The following CRACR2A variants were observed in gnomAD, a reference collection of about 807,000 sequenced individuals.
CRACR2A encodes the protein EF-hand calcium-binding domain-containing protein 4B.
CRACR2A carries 79 observed loss-of-function variants against 90.5 expected under a neutral mutation model. The ratio of observed to expected loss-of-function variants is 0.87; its 90% CI spans 0.73 to 1.05. CRACR2A has a LOEUF of 1.05. Among genes scored for constraint, CRACR2A ranks in the 50% least tolerant of loss-of-function variants. CRACR2A has a pLI of 0.00. For missense variants in CRACR2A, 823 were observed against 897.2 expected, an observed-to-expected ratio of 0.92 and a Z score of 1.06; for synonymous variants, 338 against 356.7, an observed-to-expected ratio of 0.95 and a Z score of 0.59.
chr12:3,631,457 G>C (rs2137322248), intron 15 of CRACR2A, among the ~76,000 whole-genome samples: 1 of 152,232 alleles, frequency 6.6e-6, no homozygotes, highest in Non-Finnish European at 1.5e-5. Flanking sequence ...ACCTGTGCCA[G>C]AGCCGAGACT....
Position 3,616,947 on chromosome 12 carries a change from T to C in CRACR2A, c.2111+7A>G. ...AGTTACTGCACCTGGGGAGCACATC[T>C]CTTTACCTGGCCAGATGGAGCAGGG... is the stretch of plus-strand genomic sequence containing the variant. On this transcript the variant is annotated splice_region_variant and intron_variant, in intron 19 of 19. Transcript: ENST00000440314. The C allele has an allele frequency of 1.0e-5, 16 of 1,549,540 alleles. No homozygotes were observed. The highest frequency in any genetic ancestry group is 2.0e-5 in the Admixed American group (1 of 51,000).
At chr12:3,691,454 A>G (rs536678885) in intron 4 of CRACR2A, among the ~76,000 whole-genome samples, 21 of 152,260 alleles carry the variant, frequency 1.4e-4, no homozygotes, top group South Asian at 6.2e-4. Context: ...TTATTTATGT[A>G]TGTTGAATAC....
intron 1 of CRACR2A, among the ~76,000 whole-genome samples, chr12:3,741,817 G>A (rs868273700): frequency 6.6e-6 from 1 of 152,202 alleles, no homozygotes; most frequent in Non-Finnish European, 1.5e-5. Context: ...AGGAGACATG[G>A]CTTACATCTT....
chr12:3,671,010 G>T (rs144974142), intron 7 of CRACR2A, among the ~76,000 whole-genome samples: 277 of 152,302 alleles, frequency 1.8e-3, no homozygotes, highest in Middle Eastern at 0.017. Flanking sequence ...TGCACATGCA[G>T]CCAAGAGTGG....
chr12:3,723,110 C>G (rs968766364), intron 2 of CRACR2A, among the ~76,000 whole-genome samples: 1 of 152,342 alleles, frequency 6.6e-6, no homozygotes, highest in East Asian at 1.9e-4. Flanking sequence ...ACATCTATTA[C>G]TCCTGCTGGA....
At chr12:3,636,105 G>A (rs757099574) in intron 14 of CRACR2A, among the ~76,000 whole-genome samples, 6 of 151,976 alleles carry the variant, frequency 3.9e-5, no homozygotes, top group South Asian at 2.1e-4. Context: ...AATAACTCTT[G>A]CATTCTTGAG....
intron 14 of CRACR2A, among the ~76,000 whole-genome samples, chr12:3,635,354 C>T (rs746823515): frequency 3.3e-5 from 5 of 152,108 alleles, no homozygotes. Context: ...TCTTCTCACC[C>T]TCCCTCCCTT....
chr12:3,654,225 G>A lies in CRACR2A; in HGVS notation c.1033C>T (p.Gln345Ter), dbSNP rs1461570785. The part of the protein sequence containing the change: ...SLQQEACKLH[Q>*]EKEMEVYRVT... The stretch of plus-strand genomic sequence containing the variant: ...GGCTGGACTCACATCTCCTTCTCTT[G>A]GTGGAGTTTGCAGGCCTCTTGCTGG... Residue 345 changes from glutamine (Q) to a stop codon, truncating the protein, a stop_gained, in exon 10 of 20, where the codon CAA becomes TAA. Transcript: ENST00000440314. LOFTEE classifies it high-confidence loss of function. The A allele has an allele frequency of 6.2e-7, 1 of 1,612,542 alleles. No homozygotes were observed.
chr12:3,615,524 A>C (rs2137256848), intron 19 of CRACR2A, 85 bp from the exon 20 acceptor site: 1 of 1,177,706 alleles, frequency 8.5e-7, no homozygotes, highest in East Asian at 2.6e-5. Context: ...CCCTCAGGTT[A>C]CAGGTCATCT....
At chr12:3,702,689 C>A (rs186976958) in intron 3 of CRACR2A, among the ~76,000 whole-genome samples, 73 of 152,192 alleles carry the variant, frequency 4.8e-4, no homozygotes, top group Non-Finnish European at 9.6e-4. Flanking sequence ...TCGAGAGACT[C>A]AATATTATTA....
intron 17 of CRACR2A, among the ~76,000 whole-genome samples, chr12:3,626,583 T>C (rs1475453101): frequency 6.6e-6 from 1 of 152,186 alleles, no homozygotes; most frequent in Non-Finnish European, 1.5e-5. Flanking sequence ...GGCTCTAGAA[T>C]AGTGCCTGCC....
chr12:3,628,690 T>A (rs1944323206), intron 15 of CRACR2A, among the ~76,000 whole-genome samples: 1 of 152,196 alleles, frequency 6.6e-6, no homozygotes, highest in Non-Finnish European at 1.5e-5. Context: ...GGTTCGAAAG[T>A]ACATCCCCCC....
In CRACR2A at chr12:3,711,882, A is replaced by T. The variant is rs898579363; in HGVS notation, c.-37+1355T>A. 2.0e-5 allele frequency among the ~76,000 whole-genome samples: 3 copies of T among 152,218 alleles called. No homozygotes were observed. Among genetic ancestry groups the T allele is most frequent in the Non-Finnish European group, 4.4e-5 (3 of 68,032 alleles). On this transcript the variant is annotated intron_variant, in intron 3 of 19. Transcript: ENST00000440314. The surrounding 1 kb of genome is among the most constrained non-coding windows in gnomAD (Gnocchi z 4.3). ...AGGCCATCCAAAGGGCTAAATTTTG[A>T]CATTTTCTCCAAACCATAGTCTTTC...
At chr12:3,643,242 C>T (rs773647002) in intron 12 of CRACR2A, among the ~76,000 whole-genome samples, 42 of 152,122 alleles carry the variant, frequency 2.8e-4, no homozygotes, top group East Asian at 7.7e-4. Flanking sequence ...GAAACTGTGG[C>T]GTAATGCAGT....
At chr12:3,744,196 T>C (rs1477316146) in intron 1 of CRACR2A, among the ~76,000 whole-genome samples, 1 of 152,226 alleles carries the variant, frequency 6.6e-6, no homozygotes, top group Non-Finnish European at 1.5e-5. Flanking sequence ...CACACTTTCA[T>C]AGTATGTGTG....
intron 3 of CRACR2A, among the ~76,000 whole-genome samples, chr12:3,708,678 G>C (rs1274665679): frequency 6.6e-6 from 1 of 152,152 alleles, no homozygotes; most frequent in African/African-American, 2.4e-5. Context: ...GCCGGCCTCG[G>C]CCTCCCAAAG....
intron 7 of CRACR2A, among the ~76,000 whole-genome samples, chr12:3,665,387 GTTCTGACA>G (rs1945113616): frequency 6.6e-6 from 1 of 152,178 alleles, no homozygotes; most frequent in Non-Finnish European, 1.5e-5. Context: ...TCAAGTCTTG[GTTCTGACA>G]TTTACAAACT....
chr12:3,657,496 G>T (rs539082386), intron 8 of CRACR2A, among the ~76,000 whole-genome samples: 36 of 152,310 alleles, frequency 2.4e-4, no homozygotes, highest in African/African-American at 8.4e-4. Flanking sequence ...ATTCAAAGGC[G>T]CAGGATGCTT....
intron 9 of CRACR2A, among the ~76,000 whole-genome samples, chr12:3,655,354 A>G (rs12314501): frequency 0.028 from 4,262 of 152,298 alleles, 218 homozygotes; most frequent in African/African-American, 0.096. Context: ...CAGTTCCCGG[A>G]GTAGAAATCA....
Sources: gnomAD v4.1 joint callset for allele counts (sites outside exome capture counted in the v4.1 genomes callset) on GRCh38, gnomAD v4.1.1 for gene constraint, Gnocchi (gnomAD v3.1) non-coding constraint, MANE v1.5 for transcripts, NCBI Gene and HGNC (gene_info 2026-07-23, HGNC 2026-07-21) for gene names.